PROS1: variants seen among roughly 807,000 people sequenced by gnomAD.
PROS1 encodes the protein protein S, also known as vitamin K-dependent protein S.
Under a neutral mutation model 75.9 loss-of-function variants are expected in PROS1, and 29 were observed. The ratio of observed to expected loss-of-function variants is 0.38; its 90% confidence interval spans 0.28 to 0.52. The LOEUF (loss-of-function observed/expected upper bound fraction) is 0.52, where lower values mean the gene tolerates loss of function less well. Ranked by LOEUF, PROS1 falls within the 20% of genes least tolerant of loss-of-function variation. PROS1 has a pLI of 0.83. For missense variants in PROS1, 680 were observed against 810.3 expected (o/e 0.84, Z 1.95); for synonymous variants, 245 against 280.6 (o/e 0.87, Z 1.27).
chr3:93,927,566 C>T (rs1440627657), intron 1 of PROS1, among the ~76,000 whole-genome samples, 159 bp from the exon 2 acceptor site: 1 of 151,960 alleles, frequency 6.6e-6, no homozygotes, highest in Non-Finnish European at 1.5e-5. Context: ...TACAGAAGCA[C>T]GTTGGTTAAC....
chr3:93,933,366 A>G (rs1329431584), intron 1 of PROS1, among the ~76,000 whole-genome samples: 1 of 151,842 alleles, frequency 6.6e-6, no homozygotes, highest in Admixed American at 6.6e-5. Context: ...CTTAAACCCA[A>G]GAGTTTGAAA....
chr3:93,928,541 A>G (rs1709061709), intron 1 of PROS1, among the ~76,000 whole-genome samples: 1 of 151,588 alleles, frequency 6.6e-6, no homozygotes, highest in South Asian at 2.1e-4. Flanking sequence ...CTCAAAAAAA[A>G]AAAAAAAAAA....
chr3:93,965,314 C>G (rs533046424), intron 1 of PROS1, among the ~76,000 whole-genome samples: 6 of 152,340 alleles, frequency 3.9e-5, no homozygotes, highest in African/African-American at 1.4e-4. Flanking sequence ...CCGCTGCTGA[C>G]TCCCATCCCT....
intron 1 of PROS1, among the ~76,000 whole-genome samples, chr3:93,960,468 G>A (rs1247943195): frequency 2.0e-5 from 3 of 149,346 alleles, no homozygotes; most frequent in East Asian, 2.0e-4. Context: ...GAGCCACCGC[G>A]TCTGGCTGCG....
chr3:93,890,096 C>T (rs148452235), intron 10 of PROS1, among the ~76,000 whole-genome samples: 258 of 152,042 alleles, frequency 1.7e-3, no homozygotes, highest in African/African-American at 4.8e-3. Context: ...TATAAATGGC[C>T]GCTCTGGCAG....
chr3:93,961,218 A>G (rs1180469814), intron 1 of PROS1, among the ~76,000 whole-genome samples: 19 of 152,206 alleles, frequency 1.2e-4, no homozygotes, highest in Admixed American at 1.1e-3. Context: ...GAGAAGGGAC[A>G]GAGAATGGTC....
At chr3:93,966,765 C>A (rs1023299292) in intron 1 of PROS1, among the ~76,000 whole-genome samples, 2 of 151,178 alleles carry the variant, frequency 1.3e-5, no homozygotes, top group African/African-American at 4.9e-5. Context: ...GTAGTCCCAG[C>A]CACTCAGGAG....
chr3:93,934,176 T>C (rs1279685740), intron 1 of PROS1, among the ~76,000 whole-genome samples: 1 of 149,966 alleles, frequency 6.7e-6, no homozygotes, highest in Admixed American at 6.7e-5. Flanking sequence ...CAAGACGCCA[T>C]CACATTAAAA....
intron 4 of PROS1, among the ~76,000 whole-genome samples, chr3:93,909,102 T>C (rs1206572398): frequency 2.0e-5 from 3 of 152,120 alleles, no homozygotes; most frequent in Non-Finnish European, 4.4e-5. Context: ...AGATAGATTT[T>C]AGAATAAGGA....
At chr3:93,900,625 A>C (rs1188704062) in intron 7 of PROS1, among the ~76,000 whole-genome samples, 179 bp downstream of exon 7, 1 of 152,248 alleles carries the variant, frequency 6.6e-6, no homozygotes, top group Non-Finnish European at 1.5e-5. Context: ...TAAAGACCAT[A>C]TGCCTTACAT....
intron 10 of PROS1, among the ~76,000 whole-genome samples, chr3:93,891,676 C>T (rs1708432398): frequency 6.6e-6 from 1 of 152,180 alleles, no homozygotes; most frequent in African/African-American, 2.4e-5. Context: ...TCCTAAAGAG[C>T]TGGGATTACA....
At chr3:93,905,174 A>G (rs1295370773) in intron 6 of PROS1, among the ~76,000 whole-genome samples, 1 of 152,248 alleles carries the variant, frequency 6.6e-6, no homozygotes, top group African/African-American at 2.4e-5. Flanking sequence ...CAGGATAAAC[A>G]ATGATTTTGC....
At chr3:93,955,380 G>A (rs978428013) in intron 1 of PROS1, among the ~76,000 whole-genome samples, 3 of 152,170 alleles carry the variant, frequency 2.0e-5, no homozygotes, top group Non-Finnish European at 2.9e-5. Context: ...TATACACCAT[G>A]GAATACTATG....
chr3:93,969,798 G>A (rs762625436), intron 1 of PROS1, among the ~76,000 whole-genome samples: 2 of 151,364 alleles, frequency 1.3e-5, no homozygotes, highest in African/African-American at 2.4e-5. Context: ...CTTTCCTTTA[G>A]TTAGCAATAG....
chr3:93,892,879 T>TTATAA (rs1354065508), intron 10 of PROS1, 54 bp downstream of exon 10: 2 of 1,555,326 alleles, frequency 1.3e-6, no homozygotes, highest in Non-Finnish European at 1.8e-6. Flanking sequence ...TAAATTATGA[T>TTATAA]TTTATACAGA....
chr3:93,901,113 A>C (rs1350766638), intron 6 of PROS1, among the ~76,000 whole-genome samples, 184 bp from the exon 7 acceptor site: 2 of 152,210 alleles, frequency 1.3e-5, no homozygotes. Flanking sequence ...ATTTCTTTCT[A>C]CAAATGCAGA....
chr3:93,933,646 TGGC>T, intron 1 of PROS1, among the ~76,000 whole-genome samples: 1 of 151,774 alleles, frequency 6.6e-6, no homozygotes, highest in African/African-American at 2.4e-5. Context: ...AATAATGGGC[TGGC>T]GTGGTGGCCC....
intron 9 of PROS1, among the ~76,000 whole-genome samples, chr3:93,895,383 C>T (rs183720803): frequency 6.6e-6 from 1 of 152,108 alleles, no homozygotes; most frequent in African/African-American, 2.4e-5. Flanking sequence ...ATATTAGTTG[C>T]TCTGTGATGT....
chr3:93,945,602 T>A (rs1239998479), intron 1 of PROS1, among the ~76,000 whole-genome samples: 1 of 152,126 alleles, frequency 6.6e-6, no homozygotes, highest in African/African-American at 2.4e-5. Context: ...TTCAGCAAAA[T>A]TCAACAGCTC....
Sources: gnomAD v4.1 joint callset for allele counts (sites outside exome capture counted in the v4.1 genomes callset) on GRCh38, gnomAD v4.1.1 for gene constraint, MANE v1.5 for transcripts, NCBI Gene and HGNC (gene_info 2026-07-23, HGNC 2026-07-21) for gene names.